Variants in C4orf36 observed in about 807,000 individuals in gnomAD.
C4orf36 encodes the protein chromosome 4 open reading frame 36, also known as uncharacterized protein C4orf36.
A neutral mutation model predicts 12.2 loss-of-function variants in C4orf36; 11 were observed. The ratio of observed to expected loss-of-function variants is 0.90; its 90% CI spans 0.57 to 1.49. The LOEUF (loss-of-function observed/expected upper bound fraction) is 1.49, where lower values mean the gene tolerates loss of function less well. C4orf36 is among the 40% of genes most tolerant of loss of function. The probability of loss-of-function intolerance (pLI) is 0.00; values close to 1 mark genes in which losing one functional copy is unlikely to be tolerated. For missense variants in C4orf36, 137 were observed against 133.9 expected (o/e 1.02, Z -0.11); for synonymous variants, 54 against 51.3 (o/e 1.05, Z -0.22).
At chr4:86,909,674 G>T in the C4orf36 span, among the ~76,000 whole-genome samples, 4 of 151,984 alleles carry the variant, frequency 2.6e-5, no homozygotes, top group African/African-American at 9.7e-5. Context: ...ACTAAACTCT[G>T]TATGAACCAA....
At chr4:86,913,722 A>T in the C4orf36 span, 1 of 1,589,572 alleles carries the variant, frequency 6.3e-7, no homozygotes, top group East Asian at 2.2e-5. Flanking sequence ...AGAGAAGCTG[A>T]CCCTGTGGAC....
At position 86,889,283 on chromosome 4, in the gene C4orf36, G is replaced by A. The variant is rs554973250; in HGVS notation, c.66-1008C>T. On this transcript the variant is annotated intron_variant, in intron 2 of 4. Transcript: ENST00000295898. ...TGAACCCAGCTTGAACCCGAGAGGCGGAGGTTGCAGTGAGCTGAGATCATG... is the reference window on the plus strand; with the variant it reads ...TGAACCCAGCTTGAACCCGAGAGGCAGAGGTTGCAGTGAGCTGAGATCATG... Among the ~76,000 whole-genome samples, 10 of 151,654 alleles carry A rather than the reference G, an allele frequency of 6.6e-5. No homozygotes were observed. In the East Asian group the frequency reaches 1.6e-3, roughly 24 times the overall value.
At chr4:86,918,691 G>A in the C4orf36 span, among the ~76,000 whole-genome samples, 61,932 of 151,900 alleles carry the variant, frequency 0.41, 15,298 homozygotes, top group South Asian at 0.57. Flanking sequence ...GCTAAACCAC[G>A]AGGACAAACA....
the C4orf36 span, among the ~76,000 whole-genome samples, chr4:86,901,703 G>A: frequency 2.6e-5 from 4 of 151,906 alleles, no homozygotes; most frequent in Non-Finnish European, 4.4e-5. Flanking sequence ...GAGCAACCGC[G>A]CCCGGCCACA....
the C4orf36 span, among the ~76,000 whole-genome samples, chr4:86,911,030 C>T: frequency 1.3e-5 from 2 of 152,248 alleles, no homozygotes; most frequent in East Asian, 3.9e-4. Context: ...TTGTAGTGGG[C>T]CAAGATCATG....
At chr4:86,880,930 G>C (rs886668015) in intron 4 of C4orf36, among the ~76,000 whole-genome samples, 2 of 151,696 alleles carry the variant, frequency 1.3e-5, no homozygotes, top group Non-Finnish European at 2.9e-5. Context: ...CTATTCAGGA[G>C]GCTGAGGCAG....
chr4:86,906,728 CAAAAAAAA>C, the C4orf36 span, among the ~76,000 whole-genome samples: 20,133 of 78,810 alleles, frequency 0.26, 1,852 homozygotes, highest in Middle Eastern at 0.45. Flanking sequence ...AAGACGGTCT[CAAAAAAAA>C]AAAAAAAAAA....
At chr4:86,907,972 A>G in the C4orf36 span, among the ~76,000 whole-genome samples, 610 of 151,888 alleles carry the variant, frequency 4.0e-3, 6 homozygotes, top group African/African-American at 0.014. Context: ...AAAAAAAAAA[A>G]AGAGAAAAAA....
At chr4:86,882,635 A>T in intron 4 of C4orf36, among the ~76,000 whole-genome samples, 1 of 152,158 alleles carries the variant, frequency 6.6e-6, no homozygotes, top group East Asian at 1.9e-4. Flanking sequence ...TACAGACCTT[A>T]AGCCAGTTTC....
the C4orf36 span, among the ~76,000 whole-genome samples, chr4:86,919,871 C>T: frequency 1.3e-5 from 2 of 152,108 alleles, no homozygotes; most frequent in South Asian, 4.2e-4. Flanking sequence ...CCTGTCTCTA[C>T]AAAAAATTTA....
chr4:86,932,772 G>A, the C4orf36 span, among the ~76,000 whole-genome samples: 1 of 124,336 alleles, frequency 8.0e-6, no homozygotes, highest in African/African-American at 3.0e-5. Context: ...ATTTGGGGGG[G>A]TGGGGGGGTT....
At chr4:86,893,676 T>G (rs554354975), upstream of C4orf36, among the ~76,000 whole-genome samples, 2 of 152,058 alleles carry the variant, frequency 1.3e-5, no homozygotes, top group African/African-American at 4.8e-5. Flanking sequence ...CTGACCCATC[T>G]TTCAAAGGTG....
intron 4 of C4orf36, among the ~76,000 whole-genome samples, chr4:86,885,854 T>C (rs1439609913): frequency 1.3e-5 from 2 of 152,324 alleles, no homozygotes; most frequent in East Asian, 1.9e-4. Flanking sequence ...ATAGCTCTTA[T>C]TATTTTGAGA....
chr4:86,926,582 C>T, the C4orf36 span, among the ~76,000 whole-genome samples: 1 of 152,296 alleles, frequency 6.6e-6, no homozygotes, highest in East Asian at 1.9e-4. Context: ...AGGAATGAAT[C>T]TCCGGGTTGG....
At chr4:86,914,902 G>C in the C4orf36 span, 1 of 323,088 alleles carries the variant, frequency 3.1e-6, no homozygotes, top group Non-Finnish European at 5.8e-6. Context: ...ACTCTGGGCA[G>C]TCAATGCAAA....
At chr4:86,903,007 G>A in the C4orf36 span, among the ~76,000 whole-genome samples, 1 of 152,218 alleles carries the variant, frequency 6.6e-6, no homozygotes, top group South Asian at 2.1e-4. Context: ...GTACATGGTG[G>A]CTTCTGACTT....
rs1747419071 is a variant in C4orf36 at position 86,891,609 on chromosome 4, C to T, written c.-73-16G>A. 8.8e-6 allele frequency: 14 copies of T among 1,596,208 alleles called. No homozygotes were observed. Among genetic ancestry groups the T allele is most frequent in the Admixed American group, 1.7e-5 (1 of 58,302 alleles). On this transcript the variant is annotated splice_polypyrimidine_tract_variant and intron_variant, in intron 1 of 4. Coordinates refer to ENST00000295898, the MANE Select transcript of C4orf36 (RefSeq NM_144645.4). ...TTCACTTTACCTGAAATGATGGCAA[C>T]GCACCTAATTAATGCCTCTCACGTG...
the C4orf36 span, among the ~76,000 whole-genome samples, chr4:86,921,146 C>T: frequency 1.4e-5 from 2 of 140,482 alleles, no homozygotes; most frequent in South Asian, 4.5e-4. Context: ...GCCTAGGCAA[C>T]AAGAGTGAAA....
At chr4:86,919,119 G>GGAGAGAGAGA in the C4orf36 span, among the ~76,000 whole-genome samples, 28 of 145,352 alleles carry the variant, frequency 1.9e-4, no homozygotes, top group African/African-American at 5.7e-4. Context: ...CCCAGCTCCA[G>GGAGAGAGAGA]GAGAGAGAGA....
Sources: gnomAD v4.1 joint callset for allele counts (sites outside exome capture counted in the v4.1 genomes callset) on GRCh38, gnomAD v4.1.1 for gene constraint, MANE v1.5 for transcripts, NCBI Gene and HGNC (gene_info 2026-07-23, HGNC 2026-07-21) for gene names.